CCSER1: variants seen among roughly 807,000 people sequenced by gnomAD.
CCSER1 encodes coiled-coil serine rich protein 1.
A neutral mutation model predicts 82.0 loss-of-function variants in CCSER1; 41 were observed. The ratio of observed to expected loss-of-function variants is 0.50; its 90% CI spans 0.39 to 0.65. The LOEUF is 0.65. Among genes scored for constraint, CCSER1 ranks in the 30% least tolerant of loss-of-function variants. The pLI, the probability that CCSER1 is intolerant of heterozygous loss-of-function variation, is 0.00. For synonymous variants in CCSER1, 414 were observed against 383.9 expected, an observed-to-expected ratio of 1.08 and a Z score of -0.92; for missense variants, 1,119 against 1,064.2, an observed-to-expected ratio of 1.05 and a Z score of -0.72.
intron 4 of CCSER1, among the ~76,000 whole-genome samples, chr4:90,417,822 T>C (rs1376192289): frequency 6.6e-6 from 1 of 152,178 alleles, no homozygotes; most frequent in Non-Finnish European, 1.5e-5. Context: ...AGAGCAGAGA[T>C]GAAACCCTAG....
chr4:90,478,590 C>A (rs962057175), intron 5 of CCSER1, among the ~76,000 whole-genome samples: 1 of 152,032 alleles, frequency 6.6e-6, no homozygotes, highest in Non-Finnish European at 1.5e-5. Flanking sequence ...TTTGCAAACA[C>A]GTATCCATTT....
intron 10 of CCSER1, among the ~76,000 whole-genome samples, chr4:91,229,490 T>C (rs1024239673): frequency 6.6e-6 from 1 of 152,074 alleles, no homozygotes; most frequent in Non-Finnish European, 1.5e-5. Context: ...TCTTGCAAAG[T>C]TTAAAAAATT....
At chr4:90,462,139 G>T (rs575998637) in intron 4 of CCSER1, among the ~76,000 whole-genome samples, 8 of 151,896 alleles carry the variant, frequency 5.3e-5, no homozygotes, top group African/African-American at 1.7e-4. Context: ...TACTGGTTCA[G>T]TAAATATTTA....
In CCSER1 at chr4:90,745,678, CTTTTTTTTTTTTT is replaced by C. The variant is rs537380046; in HGVS notation, c.2010+21704_2010+21716del. Among the ~76,000 whole-genome samples the C allele has an allele frequency of 9.9e-3, 714 of 72,276 alleles. 3 individuals carry two copies. Among genetic ancestry groups the C allele is most frequent in the Non-Finnish European group, 0.013 (540 of 40,816 alleles). The allele number at this position is 72,276 out of a possible 152,430, so 47.4% of individuals were successfully genotyped here. Reference sequence around the variant, plus strand: ...GAATTACACAAGCTATTTCTTTTATCTTTTTTTTTTTTTTTTTTTTTTTTTTTTTGAGACGGAG... The same window carrying C: ...GAATTACACAAGCTATTTCTTTTATCTTTTTTTTTTTTTTTTGAGACGGAG... On this transcript the variant is annotated intron_variant, in intron 7 of 10. Transcript: ENST00000509176.
chr4:90,365,337 C>A (rs1746099983), intron 3 of CCSER1, among the ~76,000 whole-genome samples: 1 of 151,466 alleles, frequency 6.6e-6, no homozygotes, highest in African/African-American at 2.4e-5. Flanking sequence ...TATTCTAATA[C>A]CATATTTACA....
intron 9 of CCSER1, among the ~76,000 whole-genome samples, chr4:90,958,873 A>G (rs1446397387): frequency 6.6e-6 from 1 of 152,192 alleles, no homozygotes; most frequent in African/African-American, 2.4e-5. Context: ...GAGCAGATTA[A>G]GACAGATACC....
At chr4:91,390,730 G>A (rs1252297497) in intron 10 of CCSER1, among the ~76,000 whole-genome samples, 1 of 151,998 alleles carries the variant, frequency 6.6e-6, no homozygotes, top group African/African-American at 2.4e-5. Flanking sequence ...TGTTTTGGAA[G>A]GTTATTGGTT....
chr4:91,007,819 G>A, intron 9 of CCSER1, among the ~76,000 whole-genome samples: 1 of 151,862 alleles, frequency 6.6e-6, no homozygotes. Context: ...GTTTCTTGAG[G>A]TGTAATGTTA....
chr4:90,627,457 G>A (rs915722098), intron 5 of CCSER1, among the ~76,000 whole-genome samples: 3 of 151,846 alleles, frequency 2.0e-5, no homozygotes, highest in Non-Finnish European at 2.9e-5. Context: ...AGAAATATAT[G>A]TATAGTATTG....
chr4:91,445,636 A>G (rs1482365098), intron 10 of CCSER1, among the ~76,000 whole-genome samples: 3 of 151,878 alleles, frequency 2.0e-5, no homozygotes, highest in Non-Finnish European at 2.9e-5. Context: ...CATCCAATCT[A>G]TTTGTTTTTA....
chr4:91,255,219 C>T (rs2149155613), intron 10 of CCSER1, among the ~76,000 whole-genome samples: 1 of 152,140 alleles, frequency 6.6e-6, no homozygotes, highest in Non-Finnish European at 1.5e-5. Flanking sequence ...TTGATGACAG[C>T]CTTTACCATT....
chr4:90,805,377 G>A (rs568621448), intron 7 of CCSER1, among the ~76,000 whole-genome samples: 99 of 152,288 alleles, frequency 6.5e-4, no homozygotes, highest in African/African-American at 2.3e-3. Flanking sequence ...GCTCAGTGAA[G>A]CTGTCAGTGG....
At chr4:91,177,632 A>G (rs755228478) in intron 10 of CCSER1, among the ~76,000 whole-genome samples, 1 of 152,116 alleles carries the variant, frequency 6.6e-6, no homozygotes, top group South Asian at 2.1e-4. Context: ...ATTCTCTGAT[A>G]GTAGTTTGTA....
intron 5 of CCSER1, among the ~76,000 whole-genome samples, chr4:90,583,637 G>T (rs1482137970): frequency 6.6e-6 from 1 of 152,066 alleles, no homozygotes; most frequent in Non-Finnish European, 1.5e-5. Flanking sequence ...TTGCAGGGAA[G>T]TATCCTTAGT....
intron 9 of CCSER1, among the ~76,000 whole-genome samples, chr4:91,067,159 G>A (rs571874738): frequency 1.7e-4 from 25 of 148,128 alleles, no homozygotes; most frequent in Non-Finnish European, 3.0e-4. Flanking sequence ...GCCAGACAAC[G>A]TCTCAAAAAG....
intron 3 of CCSER1, among the ~76,000 whole-genome samples, chr4:90,398,676 T>C (rs907500963): frequency 2.0e-5 from 3 of 152,204 alleles, no homozygotes; most frequent in Non-Finnish European, 4.4e-5. Context: ...TTTATTCTTA[T>C]TGGACTATCG....
intron 1 of CCSER1, among the ~76,000 whole-genome samples, chr4:90,189,045 G>T (rs1578397818): frequency 6.6e-6 from 1 of 151,916 alleles, no homozygotes; most frequent in African/African-American, 2.4e-5. Context: ...TTTAGAAATG[G>T]ATGGCTATAC....
At position 90,800,715 on chromosome 4, in the gene CCSER1, T is replaced by G. The variant is rs952173913; in HGVS notation, c.2011-15047T>G. Among the ~76,000 whole-genome samples, 4 of 149,096 alleles carry G rather than the reference T, an allele frequency of 2.7e-5. No individual in the cohort carries two copies. The South Asian group carries it at 8.5e-4, about 32-fold the overall frequency. ...TCTTAAATATAGTTCCAAATCGATT[T>G]TTAATGAAACCCATGGGTTTTAGGA... On this transcript the variant is annotated intron_variant, in intron 7 of 10. Coordinates refer to ENST00000509176, the MANE Select transcript of CCSER1 (RefSeq NM_001145065.2).
chr4:91,141,295 A>T (rs1431468630), intron 10 of CCSER1, among the ~76,000 whole-genome samples: 1 of 152,028 alleles, frequency 6.6e-6, no homozygotes, highest in Non-Finnish European at 1.5e-5. Flanking sequence ...TTGGAATTAC[A>T]GGCACCTGCC....
Sources: gnomAD v4.1 joint callset for allele counts (sites outside exome capture counted in the v4.1 genomes callset) on GRCh38, gnomAD v4.1.1 for gene constraint, MANE v1.5 for transcripts, NCBI Gene and HGNC (gene_info 2026-07-23, HGNC 2026-07-21) for gene names.